SORCS1: variants seen among roughly 807,000 people sequenced by gnomAD.
The protein encoded by SORCS1 is VPS10 domain-containing receptor SorCS1.
In SORCS1, 60 loss-of-function variants were observed where a neutral mutation model predicts 146.1. That is an observed-to-expected ratio of 0.41 (90% CI 0.33 to 0.51). SORCS1 has a LOEUF of 0.51. Among genes scored for constraint, SORCS1 ranks in the 20% least tolerant of loss-of-function variants. The pLI is 0.21. For missense variants in SORCS1, 1,352 were observed against 1,487.6 expected, an observed-to-expected ratio of 0.91 and a Z score of 1.50; for synonymous variants, 637 against 584.0, an observed-to-expected ratio of 1.09 and a Z score of -1.31.
chr10:106,922,705 C>T (rs1371555623), intron 2 of SORCS1, among the ~76,000 whole-genome samples: 1 of 151,912 alleles, frequency 6.6e-6, no homozygotes, highest in African/African-American at 2.4e-5. Context: ...TATTATCGCC[C>T]AAATCCGCAG....
At chr10:106,758,511 G>A (rs1858831040) in intron 5 of SORCS1, among the ~76,000 whole-genome samples, 1 of 152,116 alleles carries the variant, frequency 6.6e-6, no homozygotes, top group African/African-American at 2.4e-5. Flanking sequence ...TTTTTCATTA[G>A]CAAAGCAGCA....
At position 106,857,786 on chromosome 10, in the gene SORCS1, TAC is replaced by T. The variant is rs150453341; in HGVS notation, c.627-28115_627-28114del. On this transcript the variant is annotated intron_variant, in intron 2 of 25. Transcript: ENST00000263054. ...ATAACAAACCCCTGCACATTTTAAA[TAC>T]AGTCACTGGATTCCACTAGTCTACC... Among the ~76,000 whole-genome samples the T allele has an allele frequency of 1.6e-4, 24 of 152,372 alleles. No homozygotes were observed. In the East Asian group the frequency reaches 4.2e-3, roughly 27 times the overall value.
In SORCS1 at chr10:107,164,537, A is replaced by G; in HGVS notation, c.-11T>C. The G allele has an allele frequency of 7.4e-7, 1 of 1,344,450 alleles. No homozygotes were observed. The highest frequency in any genetic ancestry group is 9.5e-7 in the Non-Finnish European group (1 of 1,055,674). The allele number at this position is 1,344,450 out of a possible 1,614,324, so 83.3% of individuals were successfully genotyped here. ...GCCAACTTTTCCCATCGCGGGAGCG[A>G]AGAGCAGCGGAGAGAGGGGTCCCAG... is the stretch of plus-strand genomic sequence containing the variant. On this transcript the variant is annotated 5_prime_UTR_variant, in exon 1 of 26. Coordinates refer to ENST00000263054, the MANE Select transcript of SORCS1 (RefSeq NM_052918.5). This position sits in a 1 kb window ranked among gnomAD's most constrained non-coding sequence, Gnocchi z 6.8.
intron 16 of SORCS1, among the ~76,000 whole-genome samples, chr10:106,668,441 A>G (rs769530556): frequency 3.3e-5 from 5 of 152,340 alleles, no homozygotes; most frequent in Non-Finnish European, 5.9e-5. Flanking sequence ...GAAATAGCCA[A>G]AGACTTCCCT....
chr10:106,673,967 A>T (rs1244365512), intron 14 of SORCS1, among the ~76,000 whole-genome samples: 4 of 152,058 alleles, frequency 2.6e-5, no homozygotes, highest in Non-Finnish European at 5.9e-5. Flanking sequence ...TCTCATTGAG[A>T]AAAGTGTAGC....
intron 1 of SORCS1, among the ~76,000 whole-genome samples, chr10:107,135,196 T>C (rs1295135365): frequency 6.6e-6 from 1 of 152,248 alleles, no homozygotes; most frequent in Non-Finnish European, 1.5e-5. Flanking sequence ...TGATTTTATG[T>C]CCTTTCTAAA....
At chr10:106,809,991 C>T (rs949053562) in intron 3 of SORCS1, among the ~76,000 whole-genome samples, 2 of 152,150 alleles carry the variant, frequency 1.3e-5, no homozygotes, top group Non-Finnish European at 1.5e-5. Flanking sequence ...AAGGCAGAGG[C>T]GGGCGGATCA....
chr10:106,881,584 T>A (rs148819484), intron 2 of SORCS1, among the ~76,000 whole-genome samples: 58 of 152,330 alleles, frequency 3.8e-4, no homozygotes, highest in Non-Finnish European at 4.1e-4. Context: ...AGAAATGCCT[T>A]CTTCAAATCC....
chr10:107,063,055 CTG>C (rs1203607405), intron 1 of SORCS1, among the ~76,000 whole-genome samples: 3 of 152,126 alleles, frequency 2.0e-5, no homozygotes, highest in South Asian at 2.1e-4. Context: ...TGATGAATGA[CTG>C]TGAGACACCA....
At chr10:106,767,643 C>T (rs1165525142) in intron 4 of SORCS1, among the ~76,000 whole-genome samples, 1 of 152,074 alleles carries the variant, frequency 6.6e-6, no homozygotes, top group Non-Finnish European at 1.5e-5. Flanking sequence ...CATGCACCAC[C>T]ACGCCCGGCT....
the SORCS1 span, among the ~76,000 whole-genome samples, chr10:107,177,409 A>G: frequency 6.6e-6 from 1 of 152,290 alleles, no homozygotes; most frequent in Non-Finnish European, 1.5e-5. Flanking sequence ...TGATATTATG[A>G]CATCTTGACA....
chr10:107,038,453 A>G (rs559053193), intron 1 of SORCS1, among the ~76,000 whole-genome samples: 48 of 152,052 alleles, frequency 3.2e-4, no homozygotes, highest in Non-Finnish European at 5.3e-4. Context: ...TGACGAGTTA[A>G]TGGGTGCAGC....
In SORCS1 at chr10:107,164,374, C is replaced by G; in HGVS notation, c.153G>C (p.Ser51=). 6.8e-7 allele frequency: 1 copy of G among 1,469,834 alleles called. No homozygotes were observed. The highest frequency in any genetic ancestry group is 9.0e-7 in the Non-Finnish European group (1 of 1,114,776). The allele number at this position is 1,469,834 out of a possible 1,614,324, so 91.0% of individuals were successfully genotyped here. The change falls in exon 1 of 26, where the codon TCG becomes TCC. Residue 51 remains serine (S), a synonymous_variant. Coordinates refer to ENST00000263054, the MANE Select transcript of SORCS1 (RefSeq NM_052918.5). This position sits in a 1 kb window ranked among gnomAD's most constrained non-coding sequence, Gnocchi z 6.8. Reference sequence around the variant, plus strand: ...CCTGGTGGGAAAAGCCCCTAGGGGTCGAGGCCGAGCGTGGAGCGGAGCTGG... The same window carrying G: ...CCTGGTGGGAAAAGCCCCTAGGGGTGGAGGCCGAGCGTGGAGCGGAGCTGG... ...PHPSSAPRSA[S]TPRGFSHQGR...
At chr10:106,752,202 GTATGA>G (rs1858307087) in intron 5 of SORCS1, among the ~76,000 whole-genome samples, 2 of 152,200 alleles carry the variant, frequency 1.3e-5, no homozygotes, top group South Asian at 2.1e-4. Flanking sequence ...CTGGTACATG[GTATGA>G]TATATTACAT....
intron 2 of SORCS1, among the ~76,000 whole-genome samples, chr10:106,939,837 T>C (rs576461661): frequency 6.6e-6 from 1 of 152,330 alleles, no homozygotes; most frequent in Non-Finnish European, 1.5e-5. Flanking sequence ...GTACTATTGC[T>C]CTCATCTTCC....
chr10:107,035,910 TA>T (rs1318910593), intron 1 of SORCS1, among the ~76,000 whole-genome samples: 77 of 149,070 alleles, frequency 5.2e-4, no homozygotes, highest in African/African-American at 1.9e-3. Flanking sequence ...AAACAATATA[TA>T]AAAATATATA....
chr10:106,869,228 A>C (rs1316244265), intron 2 of SORCS1, among the ~76,000 whole-genome samples: 1 of 152,118 alleles, frequency 6.6e-6, no homozygotes, highest in Admixed American at 6.6e-5. Flanking sequence ...AAGCCCAGGA[A>C]CAGATGGATT....
chr10:106,615,783 C>T (rs1017880754), intron 21 of SORCS1, among the ~76,000 whole-genome samples: 1 of 152,106 alleles, frequency 6.6e-6, no homozygotes, highest in Non-Finnish European at 1.5e-5. Context: ...ATATGATAAC[C>T]TATTTTTATA....
intron 18 of SORCS1, among the ~76,000 whole-genome samples, chr10:106,645,908 T>A (rs1214419873): frequency 6.6e-6 from 1 of 152,168 alleles, no homozygotes; most frequent in Admixed American, 6.5e-5. Flanking sequence ...CTTAATTTTT[T>A]ATTTTTGAAA....
Sources: gnomAD v4.1 joint callset for allele counts (sites outside exome capture counted in the v4.1 genomes callset) on GRCh38, gnomAD v4.1.1 for gene constraint, Gnocchi (gnomAD v3.1) non-coding constraint, MANE v1.5 for transcripts, NCBI Gene and HGNC (gene_info 2026-07-23, HGNC 2026-07-21) for gene names.